Variants in SLC20A2 observed in about 807,000 individuals in gnomAD.
SLC20A2 encodes the protein sodium-dependent phosphate transporter 2.
A neutral mutation model predicts 61.0 loss-of-function variants in SLC20A2; 30 were observed. The ratio of observed to expected loss-of-function variants is 0.49; its 90% CI spans 0.37 to 0.67. The LOEUF is 0.67. Among genes scored for constraint, SLC20A2 ranks in the 30% least tolerant of loss-of-function variants. SLC20A2 has a pLI of 0.00. For missense variants in SLC20A2, 626 were observed against 866.4 expected (o/e 0.72, Z 3.48); for synonymous variants, 351 against 353.3 (o/e 0.99, Z 0.07).
At chr8:42,507,617 T>C (rs370859298) in intron 1 of SLC20A2, among the ~76,000 whole-genome samples, 36 of 152,342 alleles carry the variant, frequency 2.4e-4, no homozygotes, top group African/African-American at 7.5e-4. Flanking sequence ...AACAAACATC[T>C]GTTAAAGCAC....
chr8:42,488,425 T>C (rs1031454660), intron 1 of SLC20A2, among the ~76,000 whole-genome samples: 1 of 152,040 alleles, frequency 6.6e-6, no homozygotes, highest in African/African-American at 2.4e-5. Context: ...CCTGACCTTG[T>C]GATCCGCCCG....
intron 6 of SLC20A2, among the ~76,000 whole-genome samples, chr8:42,440,879 T>C (rs983208007): frequency 6.6e-6 from 1 of 152,220 alleles, no homozygotes; most frequent in Admixed American, 6.5e-5. Context: ...CAGCTCACTG[T>C]AACCTCCGCC....
chr8:42,448,095 C>T (rs1193959451), intron 5 of SLC20A2, among the ~76,000 whole-genome samples: 2 of 152,256 alleles, frequency 1.3e-5, no homozygotes, highest in African/African-American at 4.8e-5. Context: ...TTCTTGCCAA[C>T]TCGAATGGTA....
At chr8:42,517,362 C>T (rs1384117670) in intron 1 of SLC20A2, among the ~76,000 whole-genome samples, 2 of 116,380 alleles carry the variant, frequency 1.7e-5, no homozygotes, top group Admixed American at 9.0e-5. Flanking sequence ...TAGTGAGATC[C>T]TGTCTCAAAA....
At chr8:42,487,065 A>G (rs1378337191) in intron 1 of SLC20A2, among the ~76,000 whole-genome samples, 2 of 150,828 alleles carry the variant, frequency 1.3e-5, no homozygotes, top group South Asian at 4.2e-4. Flanking sequence ...CGGTTTCACT[A>G]TGTTGGCCAG....
chr8:42,539,872 G>A (rs77441435), intron 1 of SLC20A2, among the ~76,000 whole-genome samples: 471 of 152,236 alleles, frequency 3.1e-3, no homozygotes, highest in African/African-American at 0.011. Context: ...CCTAAATAAA[G>A]GGACTAATTG....
chr8:42,462,181 A>G (rs1806761043), intron 4 of SLC20A2, among the ~76,000 whole-genome samples: 1 of 152,078 alleles, frequency 6.6e-6, no homozygotes, highest in African/African-American at 2.4e-5. Context: ...GGAGGGGTGA[A>G]GGCTGGCAGG....
chr8:42,505,196 C>G (rs967369961), upstream of SLC20A2, among the ~76,000 whole-genome samples: 7 of 151,936 alleles, frequency 4.6e-5, no homozygotes, highest in African/African-American at 1.7e-4. Flanking sequence ...GCAACCTCCA[C>G]CTCCCAGGCT....
At chr8:42,520,745 CAAACCA>C in intron 1 of SLC20A2, among the ~76,000 whole-genome samples, 1 of 114,500 alleles carries the variant, frequency 8.7e-6, no homozygotes, top group African/African-American at 2.6e-5. Flanking sequence ...AAACAAAAAA[CAAACCA>C]AAAAAAAAAA....
rs1810283734 is a variant in SLC20A2 at position 42,501,065 on chromosome 8, C to T, written c.-299G>A. The T allele has an allele frequency of 6.6e-6, 1 of 152,172 alleles. No individual in the cohort carries two copies. The allele number at this position is 152,172 out of a possible 1,614,324, so 9.4% of individuals were successfully genotyped here. Reference sequence around the variant, plus strand: ...CCAAGAAAACTGAGCCACAATTCTTCAGAAGACTGCTCTCCTGATCACAAA... The same window carrying T: ...CCAAGAAAACTGAGCCACAATTCTTTAGAAGACTGCTCTCCTGATCACAAA... On this transcript the variant is annotated 5_prime_UTR_variant, in exon 1 of 11. Coordinates refer to ENST00000520262, the MANE Select transcript of SLC20A2 (RefSeq NM_001257180.2).
intron 1 of SLC20A2, among the ~76,000 whole-genome samples, chr8:42,540,416 G>A (rs1246948993): frequency 6.6e-6 from 1 of 152,116 alleles, no homozygotes; most frequent in Non-Finnish European, 1.5e-5. Flanking sequence ...CACAGGCCCG[G>A]CAAACAATCA....
chr8:42,491,320 T>A (rs1253897539), intron 1 of SLC20A2, among the ~76,000 whole-genome samples: 1 of 151,986 alleles, frequency 6.6e-6, no homozygotes, highest in Non-Finnish European at 1.5e-5. Context: ...AAGACCAGCC[T>A]GGCCAACAGT....
intron 5 of SLC20A2, among the ~76,000 whole-genome samples, chr8:42,455,423 G>A (rs1437821399): frequency 6.6e-6 from 1 of 151,800 alleles, no homozygotes; most frequent in Non-Finnish European, 1.5e-5. Flanking sequence ...CACTTTGGGA[G>A]GCTGAGGCGG....
chr8:42,532,947 G>T (rs915865484), intron 1 of SLC20A2, among the ~76,000 whole-genome samples: 6 of 152,160 alleles, frequency 3.9e-5, no homozygotes, highest in Non-Finnish European at 5.9e-5. Context: ...TCATGGAGAA[G>T]GGAGGGAGTA....
rs1232601702 is a variant in SLC20A2, at chr8:42,444,685, A to G, written c.691T>C (p.Trp231Arg). The G allele has an allele frequency of 1.2e-6, 2 of 1,614,056 alleles. No individual in the cohort carries two copies. The highest frequency in any genetic ancestry group is 1.7e-6 in the Non-Finnish European group (2 of 1,179,906). Residue 231 changes from tryptophan (W) to arginine (R), a missense_variant, in exon 6 of 11, where the codon TGG (tryptophan) becomes CGG (arginine). Physicochemically the swap from Trp to Arg is moderately radical, Grantham distance 101. This residue lies in a region of SLC20A2 where 361 missense variants were observed against 422.3 expected (regional missense o/e 0.85). Coordinates refer to ENST00000520262, the MANE Select transcript of SLC20A2 (RefSeq NM_001257180.2). ...GVALLFAFFV[W>R]LFVCPWMRRK... Reference sequence around the variant, plus strand: ...CGCATCCACGGACACACGAAGAGCCACACAAAAAAAGCGAACAGGAGGGCG... The same window carrying G: ...CGCATCCACGGACACACGAAGAGCCGCACAAAAAAAGCGAACAGGAGGGCG...
intron 5 of SLC20A2, among the ~76,000 whole-genome samples, chr8:42,447,881 G>A (rs1805351083): frequency 6.6e-6 from 1 of 152,186 alleles, no homozygotes; most frequent in Non-Finnish European, 1.5e-5. Flanking sequence ...TCAGAAGGCT[G>A]ACTCAGCTCT....
intron 1 of SLC20A2, among the ~76,000 whole-genome samples, chr8:42,489,228 C>T (rs546666646): frequency 3.9e-5 from 6 of 152,212 alleles, no homozygotes; most frequent in South Asian, 4.1e-4. Flanking sequence ...CATGAGCCAC[C>T]GCGCTTGGCC....
At position 42,437,614 on chromosome 8, in the gene SLC20A2, T is replaced by A; in HGVS notation, c.935-37A>T. The A allele has an allele frequency of 7.8e-7, 1 of 1,278,478 alleles. No homozygotes were observed. Among genetic ancestry groups the A allele is most frequent in the Non-Finnish European group, 1.0e-6 (1 of 952,674 alleles). 79.2% of individuals were successfully genotyped at this position (1,278,478 alleles called of 1,614,324 possible). A position where few individuals can be genotyped will look rare whatever the true frequency, so the allele number is the denominator to read the frequency against. On this transcript the variant is annotated intron_variant, in intron 7 of 10. Transcript: ENST00000520262. The surrounding 1 kb of genome is among the most constrained non-coding windows in gnomAD (Gnocchi z 6.4). ...TAGAGAAGGTCTCATTTTCCAGTCT[T>A]TTTTTTTTTTTTCTTTTCTTTTTGA... is the stretch of plus-strand genomic sequence containing the variant.
chr8:42,487,282 A>C (rs563814686), intron 1 of SLC20A2, among the ~76,000 whole-genome samples: 1 of 145,530 alleles, frequency 6.9e-6, no homozygotes, highest in African/African-American at 2.6e-5. Context: ...GGTTCACGCC[A>C]TTCTCCTGCC....
Sources: allele counts gnomAD v4.1 joint callset (sites outside exome capture counted in the v4.1 genomes callset), GRCh38; gene constraint gnomAD v4.1.1; regional missense constraint gnomAD v4.1.1; non-coding constraint Gnocchi (gnomAD v3.1); transcripts MANE v1.5; gene names NCBI Gene and HGNC (gene_info 2026-07-23, HGNC 2026-07-21).